Variants in KIF13A observed in about 807,000 individuals in gnomAD.
The protein encoded by KIF13A is kinesin family member 13A.
A neutral mutation model predicts 212.2 loss-of-function variants in KIF13A; 79 were observed. The ratio of observed to expected loss-of-function variants is 0.37; its 90% confidence interval spans 0.31 to 0.45. The LOEUF is 0.45. Among genes scored for constraint, KIF13A ranks in the 20% least tolerant of loss-of-function variants. KIF13A has a pLI of 1.00. For missense variants in KIF13A, 1,901 were observed against 2,209.0 expected (o/e 0.86, Z 2.79); for synonymous variants, 789 against 808.6 (o/e 0.98, Z 0.41).
intron 2 of KIF13A, chr6:17,953,748 G>C (rs1447437445): frequency 8.2e-5 from 16 of 194,398 alleles, no homozygotes; most frequent in Non-Finnish European, 1.6e-4. Context: ...CAGGCCCTTT[G>C]CGCTGAATAC....
rs373391464 is a variant in KIF13A, at chr6:17,865,644, T to TA, written c.220+7732dup. Among the ~76,000 whole-genome samples, 27 of 152,346 alleles carry TA rather than the reference T, an allele frequency of 1.8e-4. No individual in the cohort carries two copies. The East Asian group carries it at 5.0e-3, about 28-fold the overall frequency. ...ATATGTAGTGATTTCAAACCTGGTT[T>TA]AAGTTAAATGACCAAAAACTACAGA... On this transcript the variant is annotated intron_variant, in intron 4 of 38. Transcript: ENST00000259711.
intron 2 of KIF13A, among the ~76,000 whole-genome samples, chr6:17,936,976 C>T (rs902379207): frequency 2.0e-5 from 3 of 152,126 alleles, no homozygotes; most frequent in East Asian, 3.9e-4. Context: ...CCAGAAGGTC[C>T]AGACTAGCCT....
Position 17,825,907 on chromosome 6 carries a change from T to A in KIF13A, c.1647A>T (p.Arg549=). The change falls in exon 16 of 39, where the codon CGA becomes CGT. Residue 549 remains arginine (R), a synonymous_variant. Transcript: ENST00000259711. This position sits in a 1 kb window ranked among gnomAD's most constrained non-coding sequence, Gnocchi z 4.5. The part of the protein sequence containing the change: ...FRINLPKRKR[R]DWLKDFEKET... The stretch of plus-strand genomic sequence containing the variant: ...CTTTTTCAAAGTCTTTCAACCAATC[T>A]CGACGTTTCCTCTTAGGTAAGTTTA... The A allele has an allele frequency of 6.2e-7, 1 of 1,614,000 alleles. No individual in the cohort carries two copies. Among genetic ancestry groups the A allele is most frequent in the East Asian group, 2.2e-5 (1 of 44,878 alleles).
Position 17,799,381 on chromosome 6 carries a change from T to C in KIF13A, c.2675A>G (p.Gln892Arg). 6.2e-7 allele frequency: 1 copy of C among 1,609,514 alleles called. No homozygotes were observed. The highest frequency in any genetic ancestry group is 8.5e-7 in the Non-Finnish European group (1 of 1,177,590). Residue 892 changes from glutamine to arginine, a missense_variant, in exon 22 of 39, where the codon CAA becomes CGA. This residue lies in a region of KIF13A where 534 missense variants were observed against 536.9 expected (regional missense o/e 0.99). Coordinates refer to ENST00000259711, the MANE Select transcript of KIF13A (RefSeq NM_022113.6). The surrounding 1 kb of genome is among the most constrained non-coding windows in gnomAD (Gnocchi z 4.4). ...PLNLSNFVFC[Q>R]YTFWDQCEST... ...CTCACACTGGTCCCAGAATGTGTAT[T>C]GACAGAAGACAAAATTTGAGAGGTT...
chr6:17,935,679 T>G (rs1374223427), intron 2 of KIF13A, among the ~76,000 whole-genome samples: 1 of 152,216 alleles, frequency 6.6e-6, no homozygotes, highest in Non-Finnish European at 1.5e-5. Context: ...GGAACTACCC[T>G]TGACAGTCTC....
At chr6:17,778,493 C>T (rs1760196366) in intron 33 of KIF13A, among the ~76,000 whole-genome samples, 1 of 152,038 alleles carries the variant, frequency 6.6e-6, no homozygotes, top group Admixed American at 6.5e-5. Context: ...GTTGTCACCT[C>T]AAAAGTTAAC....
In KIF13A at chr6:17,984,402, A is replaced by G; in HGVS notation, c.146+2652T>C. 5.2e-6 allele frequency: 2 copies of G among 383,362 alleles called. No individual in the cohort carries two copies. The highest frequency in any genetic ancestry group is 7.1e-6 in the Non-Finnish European group (2 of 279,860). The allele number at this position is 383,362 out of a possible 1,614,324, so 23.7% of individuals were successfully genotyped here. On this transcript the variant is annotated intron_variant, in intron 2 of 38. Transcript: ENST00000259711. This position sits in a 1 kb window ranked among gnomAD's most constrained non-coding sequence, Gnocchi z 5.0. ...ACAAATCCATGTGTCTTAATGTTTC[A>G]GAATGGTGATCAGTATACATATCAA...
intron 32 of KIF13A, 22 bp downstream of exon 32, chr6:17,779,570 C>T: frequency 8.9e-7 from 1 of 1,124,190 alleles, no homozygotes; most frequent in Non-Finnish European, 1.3e-6. Flanking sequence ...CTGCGCCCGG[C>T]CTAAAGTAGC....
rs1327629905 is a variant in KIF13A, at chr6:17,963,688, C to A, written c.146+23366G>T. Among the ~76,000 whole-genome samples the A allele has an allele frequency of 1.3e-5, 2 of 152,132 alleles. No homozygotes were observed. The highest frequency in any genetic ancestry group is 3.9e-4 in the East Asian group (2 of 5,154). On this transcript the variant is annotated intron_variant, in intron 2 of 38. Transcript: ENST00000259711. This position sits in a 1 kb window ranked among gnomAD's most constrained non-coding sequence, Gnocchi z 4.1. ...TCCCCTGCCTCAGGCTCCCAAGTAG[C>A]TGGGATTACAGGCACGCGCCACCAC...
chr6:17,925,418 A>G (rs1385107330), intron 2 of KIF13A, among the ~76,000 whole-genome samples: 1 of 152,200 alleles, frequency 6.6e-6, no homozygotes, highest in East Asian at 1.9e-4. Context: ...GCTAACTTTG[A>G]GATGCTTATT....
chr6:17,983,564 C>T (rs191474154), intron 2 of KIF13A, among the ~76,000 whole-genome samples: 2 of 151,196 alleles, frequency 1.3e-5, no homozygotes, highest in Middle Eastern at 3.4e-3. Context: ...ACGATCTCAG[C>T]TCACGGCAAC....
At chr6:17,846,669 A>G (rs2150393782) in intron 9 of KIF13A, among the ~76,000 whole-genome samples, 1 of 152,216 alleles carries the variant, frequency 6.6e-6, no homozygotes, top group South Asian at 2.1e-4. Flanking sequence ...ATTCCATTCA[A>G]TTCAACCAGT....
chr6:17,975,488 A>G (rs1003034053), intron 2 of KIF13A, among the ~76,000 whole-genome samples: 1 of 152,202 alleles, frequency 6.6e-6, no homozygotes, highest in African/African-American at 2.4e-5. Context: ...GTTACAGCTT[A>G]TAAAGACAAT....
chr6:17,901,421 CT>C, intron 2 of KIF13A, among the ~76,000 whole-genome samples: 1 of 152,092 alleles, frequency 6.6e-6, no homozygotes, highest in Admixed American at 6.6e-5. Flanking sequence ...CTAAAATAAA[CT>C]TAACAGGCTG....
At chr6:17,976,735 C>T (rs892731978) in intron 2 of KIF13A, among the ~76,000 whole-genome samples, 1 of 151,324 alleles carries the variant, frequency 6.6e-6, no homozygotes, top group Non-Finnish European at 1.5e-5. Context: ...GGACTGCCAG[C>T]ACGCTGTCAC....
chr6:17,837,157 T>C lies in KIF13A; in HGVS notation c.943-67A>G, dbSNP rs948399896. The C allele has an allele frequency of 3.0e-6, 4 of 1,323,628 alleles. No homozygotes were observed. Among genetic ancestry groups the C allele is most frequent in the Non-Finnish European group, 4.3e-6 (4 of 925,804 alleles). The allele number at this position is 1,323,628 out of a possible 1,614,324, so 82.0% of individuals were successfully genotyped here. A position where few individuals can be genotyped will look rare whatever the true frequency, so the allele number is the denominator to read the frequency against. ...TGGACAACACATATGATAAAAGCAC[T>C]AAATGTGTTAGGTATGACATTATTC... On this transcript the variant is annotated intron_variant, in intron 10 of 38. Coordinates refer to ENST00000259711, the MANE Select transcript of KIF13A (RefSeq NM_022113.6). This position sits in a 1 kb window ranked among gnomAD's most constrained non-coding sequence, Gnocchi z 5.4.
rs1368947793 is a variant in KIF13A at position 17,837,755 on chromosome 6, C to A, written c.831-172G>T. On this transcript the variant is annotated intron_variant, in intron 9 of 38. Coordinates refer to ENST00000259711, the MANE Select transcript of KIF13A (RefSeq NM_022113.6). The surrounding 1 kb of genome is among the most constrained non-coding windows in gnomAD (Gnocchi z 5.4). ...TCACTTGAGGCCAGGGGTTTGAGAC[C>A]ACCCTGGCCAACATGGTGAAACTCT... Among the ~76,000 whole-genome samples the A allele has an allele frequency of 3.3e-5, 5 of 151,694 alleles. No individual in the cohort carries two copies.
intron 2 of KIF13A, among the ~76,000 whole-genome samples, chr6:17,976,184 C>G (rs994796031): frequency 6.6e-6 from 1 of 152,234 alleles, no homozygotes; most frequent in Admixed American, 6.5e-5. Context: ...ACTCTCACGC[C>G]GGCACTCCTC....
intron 2 of KIF13A, among the ~76,000 whole-genome samples, chr6:17,932,802 A>AT (rs1776119050): frequency 2.2e-5 from 2 of 91,368 alleles, no homozygotes; most frequent in African/African-American, 6.4e-5. Context: ...GAGAATGGAA[A>AT]GAAAAAAAAA....
Sources: gnomAD v4.1 joint callset for allele counts (sites outside exome capture counted in the v4.1 genomes callset) on GRCh38, gnomAD v4.1.1 for gene constraint, gnomAD v4.1.1 regional missense constraint, Gnocchi (gnomAD v3.1) non-coding constraint, MANE v1.5 for transcripts, NCBI Gene and HGNC (gene_info 2026-07-23, HGNC 2026-07-21) for gene names.